LARS2: variants seen among roughly 807,000 people sequenced by gnomAD.
The protein encoded by LARS2 is leucyl-tRNA synthetase 2, mitochondrial.
In LARS2, 81 loss-of-function variants were observed where a neutral mutation model predicts 116.6. The observed-to-expected ratio is 0.69, with a 90% confidence interval of 0.58 to 0.84. The LOEUF is 0.84. Among genes scored for constraint, LARS2 ranks in the 40% least tolerant of loss-of-function variants. The pLI, the probability that LARS2 is intolerant of heterozygous loss-of-function variation, is 0.00. For missense variants in LARS2, 968 were observed against 1,114.5 expected (o/e 0.87, Z 1.87); for synonymous variants, 396 against 407.2 (o/e 0.97, Z 0.33).
chr3:45,434,520 T>A (rs1253791643), intron 6 of LARS2, among the ~76,000 whole-genome samples: 1 of 152,250 alleles, frequency 6.6e-6, no homozygotes, highest in African/African-American at 2.4e-5. Flanking sequence ...AGCATTTTTA[T>A]GCTGTCTGCA....
chr3:45,433,800 C>T (rs1698759276), intron 6 of LARS2, among the ~76,000 whole-genome samples: 1 of 151,904 alleles, frequency 6.6e-6, no homozygotes, highest in Admixed American at 6.6e-5. Flanking sequence ...TGACAAATTC[C>T]CTTTGTTTTT....
In LARS2 at chr3:45,458,883, A is replaced by G. The variant is rs1267404984; in HGVS notation, c.747A>G (p.Ala249=). ...RQWFIKTTAY[A]KAMQDALADL... is the part of the protein sequence containing the mutation. ...GGTTTATTAAGACAACCGCTTATGC[A>G]AAGGTGAGTGTCAGCCTGGAGGCTC... Residue 249 remains alanine (A), a synonymous_variant, in exon 8 of 22, where the codon GCA becomes GCG. Coordinates refer to ENST00000645846, the MANE Select transcript of LARS2 (RefSeq NM_015340.4). 6.2e-7 allele frequency: 1 copy of G among 1,613,838 alleles called. No homozygotes were observed.
chr3:45,418,797 A>G (rs1351246126), intron 5 of LARS2, among the ~76,000 whole-genome samples: 1 of 152,250 alleles, frequency 6.6e-6, no homozygotes, highest in Admixed American at 6.5e-5. Context: ...CAGGCTACCT[A>G]GGTGCAAATC....
chr3:45,453,446 G>A (rs1221437824), intron 7 of LARS2, among the ~76,000 whole-genome samples: 1 of 152,232 alleles, frequency 6.6e-6, no homozygotes, highest in Non-Finnish European at 1.5e-5. Flanking sequence ...GTCTTTAGCT[G>A]TCTACATGAA....
intron 12 of LARS2, 72 bp downstream of exon 12, chr3:45,488,884 C>A: frequency 1.0e-6 from 1 of 953,748 alleles, no homozygotes; most frequent in Non-Finnish European, 1.7e-6. Context: ...CCTTCAGGTG[C>A]AAATTACAAC....
chr3:45,481,841 A>T (rs566940531), intron 10 of LARS2, among the ~76,000 whole-genome samples: 1 of 152,232 alleles, frequency 6.6e-6, no homozygotes, highest in East Asian at 1.9e-4. Flanking sequence ...CAAGTTTTTC[A>T]TTTTGATGAA....
intron 13 of LARS2, among the ~76,000 whole-genome samples, chr3:45,492,898 G>A (rs1373143967): frequency 2.0e-5 from 3 of 152,162 alleles, no homozygotes; most frequent in Non-Finnish European, 4.4e-5. Flanking sequence ...ACCATTTTAG[G>A]GTAGAAATGT....
At chr3:45,417,667 A>G in intron 5 of LARS2, 94 bp downstream of exon 5, 1 of 745,992 alleles carries the variant, frequency 1.3e-6, no homozygotes, top group Middle Eastern at 2.8e-4. Flanking sequence ...CAAAGCAAAC[A>G]AAACACTGCA....
In LARS2 at chr3:45,488,807, G is replaced by A. The variant is rs1164119449; in HGVS notation, c.1234G>A (p.Ala412Thr). 6.3e-7 allele frequency: 1 copy of A among 1,595,106 alleles called. No individual in the cohort carries two copies. The highest frequency in any genetic ancestry group is 2.2e-5 in the East Asian group (1 of 44,806). The change falls in exon 12 of 22, where the codon GCT becomes ACT. Residue 412 changes from alanine to threonine, a missense_variant. Transcript: ENST00000645846. ...TGGCACAGAGAGACTGAGCAGCTCT[G>A]CTGAGGTTGGTGACTAAGAACTTAC... ...PDGTERLSSS[A>T]EFTGMTRQDA...
chr3:45,430,129 G>A (rs992227777), intron 6 of LARS2, among the ~76,000 whole-genome samples: 4 of 139,892 alleles, frequency 2.9e-5, no homozygotes, highest in African/African-American at 5.3e-5. Context: ...CTGCCACCAC[G>A]CCTGGCCAAT....
intron 20 of LARS2, among the ~76,000 whole-genome samples, chr3:45,539,913 G>C (rs1367006749): frequency 1.3e-5 from 2 of 151,996 alleles, no homozygotes; most frequent in African/African-American, 2.4e-5. Context: ...GTTTTGTAGA[G>C]TTGCTTTATA....
At chr3:45,451,759 A>T (rs1699133291) in intron 7 of LARS2, among the ~76,000 whole-genome samples, 1 of 152,008 alleles carries the variant, frequency 6.6e-6, no homozygotes, top group South Asian at 2.1e-4. Context: ...TGATATTCTG[A>T]TAGGGATTGC....
chr3:45,491,775 G>T lies in LARS2; in HGVS notation c.1498G>T (p.Glu500Ter), dbSNP rs1699920623. 6.2e-7 allele frequency: 1 copy of T among 1,614,040 alleles called. No homozygotes were observed. The highest frequency in any genetic ancestry group is 1.3e-5 in the African/African-American group (1 of 74,944). ...AGGCCCCCCACTGGCCATGGCTTCA[G>T]AGTGGGTGAACTGCTCCTGCCCAAG... ...KGGPPLAMAS[E>*]WVNCSCPRCK... The change falls in exon 13 of 22, where the codon GAG (glutamate) becomes TAG (stop). Residue 500 changes from glutamate to a stop codon, truncating the protein, a stop_gained. Coordinates refer to ENST00000645846, the MANE Select transcript of LARS2 (RefSeq NM_015340.4). LOFTEE classifies it high-confidence loss of function.
rs570321085 is a variant in LARS2 at position 45,513,922 on chromosome 3, G to A, written c.1861+687G>A. On this transcript the variant is annotated intron_variant, in intron 16 of 21. Transcript: ENST00000645846. ...TATATGACATGTTAGAAAATGGGTAGGGGCAAGGTGTGGTAGCTCACGCCT... is the reference window on the plus strand; with the variant it reads ...TATATGACATGTTAGAAAATGGGTAAGGGCAAGGTGTGGTAGCTCACGCCT... Among the ~76,000 whole-genome samples the A allele has an allele frequency of 2.0e-4, 30 of 152,210 alleles. No individual in the cohort carries two copies. In the South Asian group the frequency reaches 5.2e-3, roughly 26 times the overall value.
At chr3:45,456,759 A>G (rs1002917815) in intron 7 of LARS2, among the ~76,000 whole-genome samples, 1 of 152,222 alleles carries the variant, frequency 6.6e-6, no homozygotes, top group African/African-American at 2.4e-5. Flanking sequence ...ACCCTATCTT[A>G]GAAGGGAAAC....
At chr3:45,450,375 T>A (rs1242513306) in intron 7 of LARS2, among the ~76,000 whole-genome samples, 19 of 152,170 alleles carry the variant, frequency 1.2e-4, no homozygotes, top group Non-Finnish European at 2.1e-4. Flanking sequence ...CATGAACCAT[T>A]GTCTTTTTAT....
rs747907249 is a variant in LARS2 at position 45,458,868 on chromosome 3, G to A, written c.732G>A (p.Lys244=). ...EQKYLRQWFI[K]TTAYAKAMQD... Reference sequence around the variant, plus strand: ...AGTACCTCAGACAATGGTTTATTAAGACAACCGCTTATGCAAAGGTGAGTG... The same window carrying A: ...AGTACCTCAGACAATGGTTTATTAAAACAACCGCTTATGCAAAGGTGAGTG... The change falls in exon 8 of 22, where the codon AAG becomes AAA. Residue 244 remains lysine, a synonymous_variant. Coordinates refer to ENST00000645846, the MANE Select transcript of LARS2 (RefSeq NM_015340.4). 27 of 1,613,926 alleles carry A rather than the reference G, an allele frequency of 1.7e-5. No individual in the cohort carries two copies. Among genetic ancestry groups the A allele is most frequent in the Admixed American group, 1.0e-4 (6 of 60,004 alleles).
chr3:45,515,325 C>G (rs922476552), intron 16 of LARS2, among the ~76,000 whole-genome samples: 2 of 152,230 alleles, frequency 1.3e-5, no homozygotes, highest in Non-Finnish European at 2.9e-5. Flanking sequence ...GCTGCAGTGG[C>G]AAGTCTTGCC....
chr3:45,443,163 A>G (rs563316191), intron 6 of LARS2, among the ~76,000 whole-genome samples: 1 of 152,300 alleles, frequency 6.6e-6, no homozygotes, highest in African/African-American at 2.4e-5. Context: ...GACTATTAAC[A>G]TCACCTCTGT....
Sources: allele counts gnomAD v4.1 joint callset (sites outside exome capture counted in the v4.1 genomes callset), GRCh38; gene constraint gnomAD v4.1.1; transcripts MANE v1.5; gene names NCBI Gene and HGNC (gene_info 2026-07-23, HGNC 2026-07-21).